Variants in FAM240C observed in about 807,000 individuals in gnomAD.
FAM240C encodes the protein family with sequence similarity 240 member C.
FAM240C carries 14 observed loss-of-function variants against 10.0 expected under a neutral mutation model. The observed-to-expected ratio is 1.40, with a 90% CI of 0.92 to 2.19. The LOEUF is 2.19. FAM240C is among the 30% of genes most tolerant of loss of function. The pLI is 0.00. For missense variants in FAM240C, 154 were observed against 122.3 expected, an observed-to-expected ratio of 1.26 and a Z score of -1.22; for synonymous variants, 49 against 44.3, an observed-to-expected ratio of 1.11 and a Z score of -0.42.
upstream of FAM240C, chr2:241,900,598 C>T (rs939115877): frequency 4.5e-5 from 26 of 572,654 alleles, no homozygotes; most frequent in African/African-American, 3.4e-4. This position sits in a 1 kb window ranked among gnomAD's most constrained non-coding sequence, Gnocchi z 4.5. Context: ...ATCTGGAGGA[C>T]GGCCAGCTGG....
chr2:241,899,412 C>T, intron 1 of FAM240C: 1 of 879,788 alleles, frequency 1.1e-6, no homozygotes. Context: ...CCTGCCTGTG[C>T]TGAGGACGCT....
At chr2:241,894,397 C>A in intron 2 of FAM240C, 58 bp from the exon 3 acceptor site, 2 of 1,503,714 alleles carry the variant, frequency 1.3e-6, no homozygotes, top group Non-Finnish European at 8.9e-7. Context: ...TTAGTGACGG[C>A]CAAGCCCGTG....
chr2:241,896,916 T>C (rs1701855705), intron 2 of FAM240C, among the ~76,000 whole-genome samples: 1 of 151,572 alleles, frequency 6.6e-6, no homozygotes, highest in Non-Finnish European at 1.5e-5. Flanking sequence ...GCCTGGATAG[T>C]GATGTTTGAT....
chr2:241,896,123 T>C (rs1701795081), intron 2 of FAM240C, among the ~76,000 whole-genome samples: 1 of 151,582 alleles, frequency 6.6e-6, no homozygotes, highest in Non-Finnish European at 1.5e-5. Context: ...CACGGCTCTC[T>C]TGCTCGGGGC....
upstream of FAM240C, among the ~76,000 whole-genome samples, chr2:241,901,398 C>T (rs2124929596): frequency 6.6e-6 from 1 of 152,324 alleles, no homozygotes; most frequent in South Asian, 2.1e-4. The surrounding 1 kb of genome is among the most constrained non-coding windows in gnomAD (Gnocchi z 4.9). Flanking sequence ...TTGATAGTTT[C>T]AGGTGAAAGC....
At chr2:241,894,737 G>A (rs1036431792) in intron 2 of FAM240C, among the ~76,000 whole-genome samples, 1 of 152,210 alleles carries the variant, frequency 6.6e-6, no homozygotes, top group Non-Finnish European at 1.5e-5. Context: ...TGCTCACGGA[G>A]AGGCAGGTGC....
rs1054310418 is a variant in FAM240C, at chr2:241,899,449, A to T, written c.12+909T>A. On this transcript the variant is annotated intron_variant, in intron 1 of 2. Transcript: ENST00000404031. The stretch of plus-strand genomic sequence containing the variant: ...GCGCGAATTCAGTGAGTGAAAACTC[A>T]TCCAATGAGGAGGGTGGGATGCACG... 5 of 587,280 alleles carry T rather than the reference A, an allele frequency of 8.5e-6. No individual in the cohort carries two copies. In the South Asian group the frequency reaches 2.2e-4, roughly 26 times the overall value. The allele number at this position is 587,280 out of a possible 1,614,324, so 36.4% of individuals were successfully genotyped here.
intron 2 of FAM240C, among the ~76,000 whole-genome samples, chr2:241,896,573 G>GGGGGTGTGGGTGTGGGGGTGTGGGTGTT: frequency 5.3e-5 from 1 of 18,816 alleles, no homozygotes; most frequent in South Asian, 2.0e-3. Context: ...GTGTGGGTGT[G>GGGGGTGTGGGTGTGGGGGTGTGGGTGTT]GGGGTGTGGG....
chr2:241,898,576 A>G (rs1316229924), intron 1 of FAM240C, among the ~76,000 whole-genome samples: 1 of 151,020 alleles, frequency 6.6e-6, no homozygotes, highest in East Asian at 2.0e-4. Flanking sequence ...AAACAAAAAA[A>G]GAATGTCCGT....
chr2:241,897,057 G>C (rs956873083), intron 2 of FAM240C, 129 bp downstream of exon 2: 3 of 976,628 alleles, frequency 3.1e-6, no homozygotes, highest in African/African-American at 3.3e-5. Flanking sequence ...CAGGCCTGGA[G>C]CTGAGGGGTT....
rs1198055736 is a variant in FAM240C at position 241,897,294 on chromosome 2, A to G, written c.53T>C (p.Val18Ala). 2 of 1,549,634 alleles carry G rather than the reference A, an allele frequency of 1.3e-6. No homozygotes were observed. Among genetic ancestry groups the G allele is most frequent in the Non-Finnish European group, 1.7e-6 (2 of 1,146,476 alleles). Residue 18 changes from valine to alanine, a missense_variant, in exon 2 of 3, where the codon GTA becomes GCA. Coordinates refer to ENST00000404031, the MANE Select transcript of FAM240C (RefSeq NM_001382368.1). ...KSLTLKNPGR[V>A]AYDSGGIKMF... is the part of the protein sequence containing the mutation. ...CTTTATCCCGCCTGAATCGTATGCT[A>G]CTCTTCCAGGATTCTTAAGAGTGAG...
chr2:241,896,601 A>AG (rs1701818343), intron 2 of FAM240C, among the ~76,000 whole-genome samples: 1 of 3,108 alleles, frequency 3.2e-4, no homozygotes, highest in African/African-American at 1.2e-3. Flanking sequence ...GTGTGGGTGA[A>AG]GGGGTGTGGG....
At chr2:241,899,029 G>T in intron 1 of FAM240C, 1 of 922,798 alleles carries the variant, frequency 1.1e-6, no homozygotes. Flanking sequence ...CTCTTGCTGG[G>T]GAAGAACACA....
At chr2:241,897,442 C>A in intron 1 of FAM240C, 108 bp from the exon 2 acceptor site, 1 of 1,335,776 alleles carries the variant, frequency 7.5e-7, no homozygotes, top group African/African-American at 1.5e-5. Flanking sequence ...CCTGCAGCAT[C>A]GTGGTCCCCG....
At position 241,896,865 on chromosome 2, in the gene FAM240C, G is replaced by C. The variant is rs1392515710; in HGVS notation, c.161+321C>G. ...TGTGGGTGAAGGGGTGTGGGTGTGG[G>C]GGTGGGGGTGAATTGTCCGTGGGCA... On this transcript the variant is annotated intron_variant, in intron 2 of 2. Coordinates refer to ENST00000404031, the MANE Select transcript of FAM240C (RefSeq NM_001382368.1). 7.4e-5 allele frequency among the ~76,000 whole-genome samples: 11 copies of C among 149,374 alleles called. 1 individual carries two copies. The highest frequency in any genetic ancestry group is 2.0e-4 in the East Asian group (1 of 5,048).
chr2:241,902,287 T>C (rs1343501997), upstream of FAM240C, among the ~76,000 whole-genome samples: 1 of 139,286 alleles, frequency 7.2e-6, no homozygotes, highest in African/African-American at 2.8e-5. This position sits in a 1 kb window ranked among gnomAD's most constrained non-coding sequence, Gnocchi z 7.1. Flanking sequence ...GCTACCGGGC[T>C]CAGCCGCCTT....
intron 2 of FAM240C, among the ~76,000 whole-genome samples, chr2:241,896,295 T>C (rs2124918854): frequency 6.6e-6 from 1 of 152,282 alleles, no homozygotes; most frequent in African/African-American, 2.4e-5. Context: ...ACCCCTGGCC[T>C]TGGCCCTAGG....
At position 241,897,176 on chromosome 2, in the gene FAM240C, C is replaced by T. The variant is rs1238223671; in HGVS notation, c.161+10G>A. 3.2e-6 allele frequency: 5 copies of T among 1,549,274 alleles called. No homozygotes were observed. The highest frequency in any genetic ancestry group is 4.9e-5 in the East Asian group (2 of 40,908). On this transcript the variant is annotated intron_variant, in intron 2 of 2. Coordinates refer to ENST00000404031, the MANE Select transcript of FAM240C (RefSeq NM_001382368.1). ...TAGGGGTCCCCGATGCACTGCACAC[C>T]CCGACTCACTTGTTCAGAGCGCTTC...
chr2:241,901,929 C>G (rs1701992319), upstream of FAM240C, among the ~76,000 whole-genome samples: 1 of 152,244 alleles, frequency 6.6e-6, no homozygotes, highest in Non-Finnish European at 1.5e-5. The surrounding 1 kb of genome is among the most constrained non-coding windows in gnomAD (Gnocchi z 4.9). Flanking sequence ...CAAAACTTGT[C>G]CTTCCAGGCC....
Sources: gnomAD v4.1 joint callset for allele counts (sites outside exome capture counted in the v4.1 genomes callset) on GRCh38, gnomAD v4.1.1 for gene constraint, Gnocchi (gnomAD v3.1) non-coding constraint, MANE v1.5 for transcripts, NCBI Gene and HGNC (gene_info 2026-07-23, HGNC 2026-07-21) for gene names.